Variants in HTT observed in about 807,000 individuals in gnomAD.
HTT encodes huntington disease protein.
HTT carries 104 observed loss-of-function variants against 362.3 expected under a neutral mutation model. The observed-to-expected ratio is 0.29, with a 90% CI of 0.24 to 0.34. HTT has a LOEUF of 0.34. Ranked by LOEUF, HTT falls within the 10% of genes least tolerant of loss-of-function variation. The probability of loss-of-function intolerance (pLI) is 1.00; values close to 1 mark genes in which losing one functional copy is unlikely to be tolerated. For missense variants in HTT, 3,301 were observed against 3,928.6 expected (o/e 0.84, Z 4.27); for synonymous variants, 1,577 against 1,548.7 (o/e 1.02, Z -0.43).
Position 3,186,665 on chromosome 4 carries a change from C to T in HTT, c.4935C>T (p.Ser1645=). 6.2e-7 allele frequency: 1 copy of T among 1,613,564 alleles called. No individual in the cohort carries two copies. Among genetic ancestry groups the T allele is most frequent in the South Asian group, 1.1e-5 (1 of 91,058 alleles). Residue 1645 remains serine, a synonymous_variant, in exon 38 of 67, where the codon TCC becomes TCT. Transcript: ENST00000355072. ...TATTTGAGATTTTGGCCCCTTCCTC[C>T]CTCCGTCCGGTAGACATGCTTTTAC... ...NTLFEILAPS[S]LRPVDMLLRS...
At chr4:3,095,396 C>T (rs540839436) in intron 2 of HTT, among the ~76,000 whole-genome samples, 4 of 152,312 alleles carry the variant, frequency 2.6e-5, no homozygotes, top group Admixed American at 2.0e-4. Flanking sequence ...CATGGCGGTG[C>T]GTGCCTGCAA....
intron 6 of HTT, among the ~76,000 whole-genome samples, chr4:3,109,636 C>G (rs977592765): frequency 1.3e-5 from 2 of 151,880 alleles, no homozygotes; most frequent in African/African-American, 4.8e-5. Flanking sequence ...GTTATTATGC[C>G]TAAGTAAATA....
At chr4:3,223,207 T>C (rs1461481663) in intron 54 of HTT, among the ~76,000 whole-genome samples, 199 bp from the exon 55 acceptor site, 3 of 152,240 alleles carry the variant, frequency 2.0e-5, no homozygotes, top group Non-Finnish European at 4.4e-5. Context: ...AAAATGGGCT[T>C]TTGCCCATCA....
At chr4:3,188,101 C>G in intron 39 of HTT, 1 of 494,138 alleles carries the variant, frequency 2.0e-6, no homozygotes, top group East Asian at 3.5e-5. Flanking sequence ...GTCTCTTGTC[C>G]TCAGTAGAGA....
chr4:3,152,752 T>C (rs1716961074), intron 26 of HTT, among the ~76,000 whole-genome samples: 1 of 152,066 alleles, frequency 6.6e-6, no homozygotes, highest in South Asian at 2.1e-4. Context: ...GTTCAAGCGA[T>C]TCTCCTGCCT....
chr4:3,201,559 G>A (rs546193364), intron 41 of HTT, among the ~76,000 whole-genome samples: 20 of 149,876 alleles, frequency 1.3e-4, no homozygotes, highest in African/African-American at 4.2e-4. Flanking sequence ...AAAAATTAAT[G>A]GATCAATGGA....
chr4:3,159,631 C>CT (rs1303394802), intron 28 of HTT, among the ~76,000 whole-genome samples: 6 of 152,344 alleles, frequency 3.9e-5, no homozygotes, highest in Admixed American at 3.9e-4. Flanking sequence ...GAAAGCTTCT[C>CT]TTTCACAAGG....
At chr4:3,155,281 G>A (rs1578544853) in intron 27 of HTT, among the ~76,000 whole-genome samples, 1 of 151,670 alleles carries the variant, frequency 6.6e-6, no homozygotes, top group South Asian at 2.1e-4. Flanking sequence ...GAGTGCAGTG[G>A]TGCAATCTCG....
chr4:3,111,383 A>G (rs1714741504), intron 6 of HTT, among the ~76,000 whole-genome samples: 1 of 152,006 alleles, frequency 6.6e-6, no homozygotes, highest in Non-Finnish European at 1.5e-5. Context: ...TAGTAGAGCC[A>G]GAGTTTCACC....
chr4:3,135,821 A>T lies in HTT; in HGVS notation c.2634-83A>T. The T allele has an allele frequency of 2.8e-6, 3 of 1,077,732 alleles. No individual in the cohort carries two copies. In the South Asian group the frequency reaches 5.0e-5, roughly 18 times the overall value. 66.8% of individuals were successfully genotyped at this position (1,077,732 alleles called of 1,614,324 possible). A position where few individuals can be genotyped will look rare whatever the true frequency, so the allele number is the denominator to read the frequency against. On this transcript the variant is annotated intron_variant, in intron 19 of 66. Transcript: ENST00000355072. ...CCCAAGGTCCTTCCAGGGCACCTGG[A>T]TGAGCCTGCTCTGGAGCAAGCTGGC... is the stretch of plus-strand genomic sequence containing the variant.
chr4:3,140,134 G>A (rs565627975), intron 21 of HTT, among the ~76,000 whole-genome samples: 4 of 152,008 alleles, frequency 2.6e-5, no homozygotes, highest in South Asian at 2.1e-4. Context: ...GGTGGCAGGC[G>A]CCTGTAATCC....
In HTT at chr4:3,173,072, C is replaced by T. The variant is rs752180387; in HGVS notation, c.4107C>T (p.Ala1369=). The T allele has an allele frequency of 6.2e-7, 1 of 1,614,156 alleles. No individual in the cohort carries two copies. Among genetic ancestry groups the T allele is most frequent in the East Asian group, 2.2e-5 (1 of 44,882 alleles). The change falls in exon 31 of 67, where the codon GCC becomes GCT. Residue 1369 remains alanine (A), a synonymous_variant. Transcript: ENST00000355072. ...CCCCGTACACCCACTTCACCCAGGC[C>T]CTCGCTGACGCCAGCCTGAGGAACA... is the stretch of plus-strand genomic sequence containing the variant. The part of the protein sequence containing the change: ...FMAPYTHFTQ[A]LADASLRNMV...
chr4:3,209,327 C>A (rs1172963288), intron 46 of HTT, among the ~76,000 whole-genome samples: 1 of 152,210 alleles, frequency 6.6e-6, no homozygotes, highest in Non-Finnish European at 1.5e-5. Flanking sequence ...TGGTTAGGGA[C>A]CACCTGGAGC....
chr4:3,087,599 T>G (rs1713275847), intron 2 of HTT, among the ~76,000 whole-genome samples: 1 of 152,208 alleles, frequency 6.6e-6, no homozygotes, highest in Non-Finnish European at 1.5e-5. Context: ...TTGTTCCTAG[T>G]AGCTGTAGAT....
chr4:3,186,797 G>T, intron 38 of HTT, 78 bp downstream of exon 38: 1 of 1,149,346 alleles, frequency 8.7e-7, no homozygotes, highest in East Asian at 3.0e-5. Flanking sequence ...CCCCCAGAAT[G>T]TCTGAGTCAG....
At chr4:3,116,872 C>T (rs954157526) in intron 8 of HTT, among the ~76,000 whole-genome samples, 1 of 152,200 alleles carries the variant, frequency 6.6e-6, no homozygotes, top group Non-Finnish European at 1.5e-5. Flanking sequence ...CATGCAGCCT[C>T]ATTTTAAGCA....
At position 3,206,921 on chromosome 4, in the gene HTT, G is replaced by T; in HGVS notation, c.6013G>T (p.Ala2005Ser). Residue 2005 changes from alanine to serine, a missense_variant, in exon 44 of 67, where the codon GCT becomes TCT. Ala to Ser is a moderately conservative substitution (Grantham distance 99). Around this residue, in one of 4 missense-constraint regions of HTT, gnomAD observed 2,316 missense variants for 2,658.5 expected, o/e 0.87. Transcript: ENST00000355072. This position sits in a 1 kb window ranked among gnomAD's most constrained non-coding sequence, Gnocchi z 4.6. ...RLLCTPFRVLARMVDILACRR... is the reference protein window; with the variant it reads ...RLLCTPFRVLSRMVDILACRR... Reference sequence around the variant, plus strand: ...TCTGTGCACCCCTTTCCGTGTGCTGGCTCGCATGGTCGACATCCTTGCTTG... The same window carrying T: ...TCTGTGCACCCCTTTCCGTGTGCTGTCTCGCATGGTCGACATCCTTGCTTG... 6.2e-7 allele frequency: 1 copy of T among 1,614,104 alleles called. No homozygotes were observed.
At chr4:3,224,251 G>C (rs1216541822) in intron 56 of HTT, 120 bp downstream of exon 56, 4 of 1,019,944 alleles carry the variant, frequency 3.9e-6, no homozygotes, top group East Asian at 2.4e-5. Context: ...TGGAGGCTGT[G>C]GTGCTAAATA....
intron 18 of HTT, among the ~76,000 whole-genome samples, chr4:3,133,838 G>A (rs1396474041): frequency 6.6e-6 from 1 of 152,224 alleles, no homozygotes; most frequent in African/African-American, 2.4e-5. Flanking sequence ...TCAGTCAGTT[G>A]TGTCTTTTTT....
Sources: allele counts gnomAD v4.1 joint callset (sites outside exome capture counted in the v4.1 genomes callset), GRCh38; gene constraint gnomAD v4.1.1; regional missense constraint gnomAD v4.1.1; non-coding constraint Gnocchi (gnomAD v3.1); transcripts MANE v1.5; gene names NCBI Gene and HGNC (gene_info 2026-07-23, HGNC 2026-07-21).